Variants in LGMN observed in about 807,000 individuals in gnomAD.
LGMN encodes legumain, also known as asparaginyl endopeptidase.
Under a neutral mutation model 56.8 loss-of-function variants are expected in LGMN, and 36 were observed. The ratio of observed to expected loss-of-function variants is 0.63; its 90% CI spans 0.49 to 0.84. The LOEUF (loss-of-function observed/expected upper bound fraction) is 0.84. Ranked by LOEUF, LGMN falls within the 40% of genes least tolerant of loss-of-function variation. The pLI, the probability that LGMN is intolerant of heterozygous loss-of-function variation, is 0.00. For synonymous variants in LGMN, 199 were observed against 210.1 expected (o/e 0.95, Z 0.46); for missense variants, 446 against 556.1 (o/e 0.80, Z 1.99).
At chr14:92,711,630 A>AG (rs1238325945) in intron 10 of LGMN, 29 bp downstream of exon 10, 3 of 1,587,252 alleles carry the variant, frequency 1.9e-6, no homozygotes, top group Non-Finnish European at 2.6e-6. Context: ...CAAGGAACAG[A>AG]GGGCCAGCAC....
chr14:92,705,890 C>T (rs947817764), intron 12 of LGMN, among the ~76,000 whole-genome samples: 4 of 152,146 alleles, frequency 2.6e-5, no homozygotes, highest in Non-Finnish European at 4.4e-5. Flanking sequence ...GGCCTCCCAA[C>T]GTGCTGGGAT....
chr14:92,735,658 C>A (rs760672513), intron 1 of LGMN, among the ~76,000 whole-genome samples: 5 of 152,212 alleles, frequency 3.3e-5, no homozygotes, highest in Non-Finnish European at 5.9e-5. Flanking sequence ...GCTCCACCCT[C>A]AAGCACTGCC....
rs1296621204 is a variant in LGMN, at chr14:92,719,330, CCACCGCCAT to C, written c.139-495_139-487del. ...GCCGCCACCGCCGCCGCCGCCACCG[CCACCGCCAT>C]CACCGCCACCACCACCAACACCACC... On this transcript the variant is annotated intron_variant, in intron 2 of 13. Transcript: ENST00000334869. Among the ~76,000 whole-genome samples, 7 of 107,612 alleles carry C rather than the reference CCACCGCCAT, an allele frequency of 6.5e-5. 1 individual carries two copies. Among genetic ancestry groups the C allele is most frequent in the African/African-American group, 2.0e-4 (5 of 24,420 alleles). 70.6% of individuals were successfully genotyped at this position (107,612 alleles called of 152,430 possible).
At chr14:92,727,258 C>T (rs557453546) in intron 2 of LGMN, among the ~76,000 whole-genome samples, 9 of 151,826 alleles carry the variant, frequency 5.9e-5, no homozygotes, top group East Asian at 1.9e-4. Context: ...GGCAAAACCC[C>T]GTCTCTACTA....
chr14:92,748,094 A>G (rs1891896664), intron 1 of LGMN, among the ~76,000 whole-genome samples: 1 of 152,076 alleles, frequency 6.6e-6, no homozygotes, highest in Non-Finnish European at 1.5e-5. Flanking sequence ...CCACATTAAG[A>G]ACATCAAAAG....
At chr14:92,737,256 C>T (rs1009566825) in intron 1 of LGMN, among the ~76,000 whole-genome samples, 1 of 152,172 alleles carries the variant, frequency 6.6e-6, no homozygotes, top group African/African-American at 2.4e-5. Context: ...TGGTTCCCCG[C>T]TTCCTGCTTA....
intron 11 of LGMN, among the ~76,000 whole-genome samples, chr14:92,708,738 T>C (rs1236892367): frequency 2.6e-5 from 4 of 151,618 alleles, no homozygotes; most frequent in South Asian, 4.2e-4. Flanking sequence ...ATGCCTGTAA[T>C]CCCAGCTACT....
chr14:92,704,216 A>T lies in LGMN; in HGVS notation c.*103T>A. 6.9e-7 allele frequency: 1 copy of T among 1,440,630 alleles called. No individual in the cohort carries two copies. Among genetic ancestry groups the T allele is most frequent in the East Asian group, 2.3e-5 (1 of 44,110 alleles). 89.2% of individuals were successfully genotyped at this position (1,440,630 alleles called of 1,614,324 possible). ...AGCCCTGGAGCGGGGGCTCCCCAGG[A>T]GGGCCCGAGCAGCGGAGACTTCTCA... is the stretch of plus-strand genomic sequence containing the variant. On this transcript the variant is annotated 3_prime_UTR_variant, in exon 14 of 14. Transcript: ENST00000334869.
intron 2 of LGMN, among the ~76,000 whole-genome samples, chr14:92,719,399 A>C (rs116298888): frequency 0.015 from 2,094 of 140,984 alleles, 117 homozygotes; most frequent in African/African-American, 0.054. Flanking sequence ...ACCGCCACCA[A>C]CACCGCCACC....
chr14:92,712,734 A>G (rs1889847534), intron 8 of LGMN, 71 bp downstream of exon 8: 4 of 1,418,482 alleles, frequency 2.8e-6, no homozygotes, highest in Non-Finnish European at 3.9e-6. Context: ...GAGAATGCTC[A>G]GTTCCATGTC....
intron 11 of LGMN, among the ~76,000 whole-genome samples, chr14:92,709,463 C>T (rs1358204839): frequency 6.6e-6 from 1 of 152,204 alleles, no homozygotes; most frequent in Non-Finnish European, 1.5e-5. Flanking sequence ...CTCCCTACTA[C>T]CGAAGAGGTC....
intron 1 of LGMN, among the ~76,000 whole-genome samples, chr14:92,737,208 T>A (rs569965766): frequency 5.3e-5 from 8 of 152,302 alleles, no homozygotes; most frequent in African/African-American, 1.9e-4. Flanking sequence ...TTCTAAGAGA[T>A]GGTTGAATTA....
Position 92,703,994 on chromosome 14 carries a change from C to A in LGMN, c.*325G>T. The stretch of plus-strand genomic sequence containing the variant: ...CTTCAAATTCTCAGAATAAAGACTC[C>A]TTTTGAGAGGGGCTACAGAAGCCCC... On this transcript the variant is annotated 3_prime_UTR_variant, in exon 14 of 14. Transcript: ENST00000334869. 1.6e-6 allele frequency: 1 copy of A among 639,472 alleles called. No homozygotes were observed. Among genetic ancestry groups the A allele is most frequent in the Non-Finnish European group, 2.8e-6 (1 of 361,412 alleles). 39.6% of individuals were successfully genotyped at this position (639,472 alleles called of 1,614,324 possible). A position where few individuals can be genotyped will look rare whatever the true frequency, so the allele number is the denominator to read the frequency against.
In LGMN at chr14:92,748,590, T is replaced by C; in HGVS notation, c.-131A>G. ...TGAGAACTCGCGGCGGCTCGCAGCC[T>C]CACACCAAACACCCACGACGTCGGC... is the stretch of plus-strand genomic sequence containing the variant. On this transcript the variant is annotated 5_prime_UTR_variant, in exon 1 of 14. Coordinates refer to ENST00000334869, the MANE Select transcript of LGMN (RefSeq NM_005606.7). The C allele has an allele frequency of 6.5e-6, 1 of 153,788 alleles. No homozygotes were observed. 9.5% of individuals were successfully genotyped at this position (153,788 alleles called of 1,614,324 possible).
chr14:92,706,503 A>C lies in LGMN; in HGVS notation c.1171T>G (p.Phe391Val). 1 of 1,557,822 alleles carries C rather than the reference A, an allele frequency of 6.4e-7. No homozygotes were observed. Among genetic ancestry groups the C allele is most frequent in the African/African-American group, 1.4e-5 (1 of 73,918 alleles). The change falls in exon 12 of 14, where the codon TTC becomes GTC. Residue 391 changes from phenylalanine to valine, a missense_variant. Transcript: ENST00000334869. ...CTCACCGTGGGGGAGTGCCAGTTGA[A>C]GCAGTGGGTCCGGAAGTGCAGCAGG... is the stretch of plus-strand genomic sequence containing the variant. ...EALLHFRTHC[F>V]NWHSPTYEYA...
Position 92,707,332 on chromosome 14 carries a change from TTCCACAAAGACCC to T in LGMN, c.1021-692_1021-680del, listed in dbSNP as rs1889489875. On this transcript the variant is annotated intron_variant, in intron 11 of 13. Transcript: ENST00000334869. Reference sequence around the variant, plus strand: ...AGGGTTTGCTTGCTTCATATCTGAATTCCACAAAGACCCTCCACCCACTGTGTGTTAGACCAGC... The same window carrying T: ...AGGGTTTGCTTGCTTCATATCTGAATTCCACCCACTGTGTGTTAGACCAGC... Among the ~76,000 whole-genome samples, 11 of 152,080 alleles carry T rather than the reference TTCCACAAAGACCC, an allele frequency of 7.2e-5. No homozygotes were observed. In the South Asian group the frequency reaches 2.1e-3, roughly 29 times the overall value.
In LGMN at chr14:92,708,856, C is replaced by CAGAAAAAAAA. The variant is rs1889580705; in HGVS notation, c.1020+815_1020+816insTTTTTTTTCT. 5.6e-5 allele frequency among the ~76,000 whole-genome samples: 4 copies of CAGAAAAAAAA among 71,642 alleles called. No homozygotes were observed. The East Asian group carries it at 1.3e-3, about 23-fold the overall frequency. 47.0% of individuals were successfully genotyped at this position (71,642 alleles called of 152,430 possible). On this transcript the variant is annotated intron_variant, in intron 11 of 13. Transcript: ENST00000334869. ...TGGCGACAGAGCAAGACTCTTGTCT[C>CAGAAAAAAAA]AAAAAAAAAAAAAAAAAAAAAAAAA...
chr14:92,737,318 A>G (rs750645528), intron 1 of LGMN, among the ~76,000 whole-genome samples: 1 of 151,682 alleles, frequency 6.6e-6, no homozygotes, highest in Non-Finnish European at 1.5e-5. Flanking sequence ...TTCACCAGAC[A>G]CTCCCTACAG....
chr14:92,719,269 G>GCCACCGCCA (rs1400244430), intron 2 of LGMN, among the ~76,000 whole-genome samples: 1 of 15,572 alleles, frequency 6.4e-5, no homozygotes, highest in Non-Finnish European at 1.1e-4. Context: ...CGCCACCGCC[G>GCCACCGCCA]CCGCCGCCAC....
Sources: gnomAD v4.1 joint callset for allele counts (sites outside exome capture counted in the v4.1 genomes callset) on GRCh38, gnomAD v4.1.1 for gene constraint, MANE v1.5 for transcripts, NCBI Gene and HGNC (gene_info 2026-07-23, HGNC 2026-07-21) for gene names.